COL24A1: variants seen among roughly 807,000 people sequenced by gnomAD.
The protein encoded by COL24A1 is collagen alpha-1(XXIV) chain.
In COL24A1, 224 loss-of-function variants were observed where a neutral mutation model predicts 253.9. The ratio of observed to expected loss-of-function variants is 0.88; its 90% CI spans 0.79 to 0.99. The LOEUF (loss-of-function observed/expected upper bound fraction) is 0.99, where lower values mean the gene tolerates loss of function less well. Among genes scored for constraint, COL24A1 ranks in the 50% least tolerant of loss-of-function variants. COL24A1 has a pLI of 0.00. For synonymous variants in COL24A1, 685 were observed against 673.7 expected (o/e 1.02, Z -0.26); for missense variants, 2,131 against 2,068.5 (o/e 1.03, Z -0.59).
At chr1:85,951,031 T>G (rs570998940) in intron 24 of COL24A1, among the ~76,000 whole-genome samples, 1 of 152,326 alleles carries the variant, frequency 6.6e-6, no homozygotes, top group African/African-American at 2.4e-5. Context: ...TGAAATGTCC[T>G]TCCTTATTCC....
chr1:86,073,186 G>C (rs1043239956), intron 7 of COL24A1, among the ~76,000 whole-genome samples: 1 of 152,076 alleles, frequency 6.6e-6, no homozygotes, highest in Admixed American at 6.6e-5. Context: ...CCAAGCTAAA[G>C]GAGCATGTTC....
chr1:86,115,838 G>A (rs572120675), intron 3 of COL24A1, among the ~76,000 whole-genome samples: 3 of 152,236 alleles, frequency 2.0e-5, no homozygotes, highest in East Asian at 3.9e-4. Flanking sequence ...TCTGTGTAAT[G>A]TGTTAAACTG....
intron 1 of COL24A1, among the ~76,000 whole-genome samples, chr1:86,150,605 T>C (rs941776653): frequency 1.3e-5 from 2 of 150,898 alleles, no homozygotes; most frequent in African/African-American, 4.8e-5. Context: ...CTTTCTTGTC[T>C]CTGAAGTGGG....
At chr1:85,740,318 G>A (rs765769473) in intron 57 of COL24A1, among the ~76,000 whole-genome samples, 19 of 152,032 alleles carry the variant, frequency 1.2e-4, no homozygotes, top group African/African-American at 1.9e-4. Flanking sequence ...CTATTCATTC[G>A]CTCTTATCCT....
chr1:85,991,548 T>A (rs1215201247), intron 19 of COL24A1, among the ~76,000 whole-genome samples: 1 of 152,202 alleles, frequency 6.6e-6, no homozygotes, highest in African/African-American at 2.4e-5. Flanking sequence ...TGTCTTATAA[T>A]TGTTTGTGAT....
At chr1:85,810,568 A>G (rs1672427059) in intron 47 of COL24A1, among the ~76,000 whole-genome samples, 1 of 151,958 alleles carries the variant, frequency 6.6e-6, no homozygotes, top group African/African-American at 2.4e-5. Context: ...TGTAATCCCC[A>G]GTGCAGGAGG....
intron 14 of COL24A1, 92 bp from the exon 15 acceptor site, chr1:86,023,099 C>G (rs1251927796): frequency 2.6e-6 from 3 of 1,154,514 alleles, no homozygotes; most frequent in Non-Finnish European, 3.8e-6. Context: ...GAACCCAAAA[C>G]AGCCAACTCA....
chr1:86,137,339 A>G (rs1048482656), intron 2 of COL24A1, among the ~76,000 whole-genome samples: 5 of 152,212 alleles, frequency 3.3e-5, no homozygotes, highest in Admixed American at 2.0e-4. Context: ...ACCAAGCACT[A>G]TTCTAAGAAC....
At chr1:86,136,637 G>A (rs1650293748) in intron 2 of COL24A1, among the ~76,000 whole-genome samples, 1 of 151,954 alleles carries the variant, frequency 6.6e-6, no homozygotes, top group Admixed American at 6.6e-5. Context: ...ATAAATGGTA[G>A]CGATGCATTT....
chr1:85,987,749 T>C, intron 19 of COL24A1, 95 bp from the exon 20 acceptor site: 1 of 972,590 alleles, frequency 1.0e-6, no homozygotes, highest in East Asian at 2.6e-5. Flanking sequence ...CCATATCCAG[T>C]TAAAGCAATT....
rs989427636 is a variant in COL24A1 at position 85,765,016 on chromosome 1, T to C, written c.4375-3450A>G. Among the ~76,000 whole-genome samples the C allele has an allele frequency of 3.9e-5, 6 of 152,360 alleles. No homozygotes were observed. The South Asian group carries it at 1.0e-3, about 26-fold the overall frequency. ...ATGTAATGGTAAGTGTTCTTGAATT[T>C]AAAAAGTTTGATACTTTTAAATGAA... is the stretch of plus-strand genomic sequence containing the variant. On this transcript the variant is annotated intron_variant, in intron 53 of 59. Transcript: ENST00000370571.
chr1:85,907,214 G>A lies in COL24A1; in HGVS notation c.2758C>T (p.Gln920Ter). 1 of 1,611,312 alleles carries A rather than the reference G, an allele frequency of 6.2e-7. No individual in the cohort carries two copies. The highest frequency in any genetic ancestry group is 8.5e-7 in the Non-Finnish European group (1 of 1,178,084). ...CTTACTCTTTGTCCTTTAGGACCTT[G>A]ACTCCCAGGTGGTCCTCTTGCCCCC... is the stretch of plus-strand genomic sequence containing the variant. ...HVGARGPPGS[Q>*]GPKGQRGSRG... The change falls in exon 28 of 60, where the codon CAA becomes TAA. Residue 920 changes from glutamine to a stop codon, truncating the protein, a stop_gained. Transcript: ENST00000370571. LOFTEE classifies it high-confidence loss of function.
chr1:86,151,562 A>G (rs1234575738), intron 1 of COL24A1, among the ~76,000 whole-genome samples: 1 of 152,182 alleles, frequency 6.6e-6, no homozygotes, highest in African/African-American at 2.4e-5. Context: ...ACATAACCAG[A>G]CATGTGAGGG....
At chr1:86,141,870 T>C (rs1651140133) in intron 2 of COL24A1, among the ~76,000 whole-genome samples, 1 of 151,958 alleles carries the variant, frequency 6.6e-6, no homozygotes, top group African/African-American at 2.4e-5. Context: ...CCGGCTAATG[T>C]TTTTGTATTT....
At chr1:86,038,929 C>G (rs1369101689) in intron 12 of COL24A1, among the ~76,000 whole-genome samples, 1 of 152,110 alleles carries the variant, frequency 6.6e-6, no homozygotes, top group Non-Finnish European at 1.5e-5. Flanking sequence ...TAGAACCACC[C>G]AACTATGCCA....
chr1:85,920,398 G>A (rs977560334), intron 24 of COL24A1, among the ~76,000 whole-genome samples: 1 of 152,300 alleles, frequency 6.6e-6, no homozygotes, highest in East Asian at 1.9e-4. Context: ...AATCCACATT[G>A]TCTGGGACAC....
At chr1:85,772,854 G>A (rs185893482) in intron 53 of COL24A1, among the ~76,000 whole-genome samples, 1 of 152,270 alleles carries the variant, frequency 6.6e-6, no homozygotes, top group Non-Finnish European at 1.5e-5. Flanking sequence ...CTTTTGCTGT[G>A]CAGAAGCTCT....
At chr1:85,829,541 C>A (rs975528279) in intron 43 of COL24A1, among the ~76,000 whole-genome samples, 7 of 152,036 alleles carry the variant, frequency 4.6e-5, no homozygotes, top group East Asian at 1.9e-4. Flanking sequence ...TCCATTCTCC[C>A]CGTCACTTTC....
At chr1:85,907,616 G>T (rs1291965687) in intron 27 of COL24A1, among the ~76,000 whole-genome samples, 1 of 151,740 alleles carries the variant, frequency 6.6e-6, no homozygotes, top group Admixed American at 6.6e-5. Context: ...GGCTATCATG[G>T]TAATATTTCT....
Sources: allele counts gnomAD v4.1 joint callset (sites outside exome capture counted in the v4.1 genomes callset), GRCh38; gene constraint gnomAD v4.1.1; transcripts MANE v1.5; gene names NCBI Gene and HGNC (gene_info 2026-07-23, HGNC 2026-07-21).